The following SYNE2 variants were observed in gnomAD, a reference collection of about 807,000 sequenced individuals.
SYNE2 encodes the protein nesprin-2.
In SYNE2, 431 loss-of-function variants were observed where a neutral mutation model predicts 856.3. The ratio of observed to expected loss-of-function variants is 0.50; its 90% CI spans 0.47 to 0.55. The LOEUF is 0.55. Ranked by LOEUF, SYNE2 falls within the 20% of genes least tolerant of loss-of-function variation. The pLI is 0.00. For synonymous variants in SYNE2, 2,923 were observed against 2,872.3 expected (o/e 1.02, Z -0.56); for missense variants, 8,129 against 8,023.2 (o/e 1.01, Z -0.50).
intron 85 of SYNE2, among the ~76,000 whole-genome samples, chr14:64,155,756 A>G (rs1324781443): frequency 6.6e-6 from 1 of 152,128 alleles, no homozygotes; most frequent in African/African-American, 2.4e-5. Flanking sequence ...GTGAGATCCC[A>G]TCTCCACAAA....
chr14:63,819,220 C>CTTTCT (rs1224636827), intron 1 of SYNE2, among the ~76,000 whole-genome samples: 19 of 151,752 alleles, frequency 1.3e-4, no homozygotes, highest in African/African-American at 2.7e-4. Flanking sequence ...AAATCAATTT[C>CTTTCT]TTTCTTTTCT....
chr14:63,903,945 G>T (rs1009886475), intron 1 of SYNE2, among the ~76,000 whole-genome samples: 2 of 151,928 alleles, frequency 1.3e-5, no homozygotes, highest in Non-Finnish European at 2.9e-5. Context: ...GTACCCAATA[G>T]GTTGTTTTTC....
chr14:63,840,399 TTTCC>T (rs747899857), intron 1 of SYNE2, among the ~76,000 whole-genome samples: 4,670 of 115,346 alleles, frequency 0.04, 181 homozygotes, highest in Middle Eastern at 0.086. Context: ...CTTTCTTTCC[TTTCC>T]TTCCTTCCTT....
chr14:63,862,721 A>T (rs933978063), intron 1 of SYNE2, among the ~76,000 whole-genome samples: 1 of 152,242 alleles, frequency 6.6e-6, no homozygotes, highest in South Asian at 2.1e-4. Context: ...TTTGAAAGGC[A>T]GGTTTTTAGG....
chr14:64,166,993 C>T, intron 90 of SYNE2: 1 of 557,894 alleles, frequency 1.8e-6, no homozygotes, highest in South Asian at 2.1e-5. Context: ...TCTGAGATAA[C>T]TTTCTATTTC....
intron 1 of SYNE2, among the ~76,000 whole-genome samples, chr14:63,875,839 G>A (rs564029853): frequency 6.6e-6 from 1 of 152,300 alleles, no homozygotes; most frequent in Non-Finnish European, 1.5e-5. Flanking sequence ...GAAGGGAGGC[G>A]TCACTGCCCA....
chr14:63,911,947 A>G (rs1406697364), intron 2 of SYNE2, among the ~76,000 whole-genome samples: 3 of 152,214 alleles, frequency 2.0e-5, no homozygotes, highest in Non-Finnish European at 4.4e-5. Flanking sequence ...TTTGCAATGT[A>G]AATGTGATAT....
chr14:63,880,775 C>T (rs2140621655), intron 1 of SYNE2, among the ~76,000 whole-genome samples: 1 of 150,692 alleles, frequency 6.6e-6, no homozygotes, highest in South Asian at 2.1e-4. Flanking sequence ...TGGTCTTAAG[C>T]AGTCCTCTAG....
chr14:63,827,625 C>CAAAAAAAAAAAATAAAAAAAAAAAAAAAA (rs1889486629), intron 1 of SYNE2, among the ~76,000 whole-genome samples: 1 of 28,400 alleles, frequency 3.5e-5, no homozygotes, highest in Non-Finnish European at 6.3e-5. Flanking sequence ...AACTCTGTCT[C>CAAAAAAAAAAAATAAAAAAAAAAAAAAAA]AAAAAAAAAA....
intron 59 of SYNE2, among the ~76,000 whole-genome samples, chr14:64,090,124 A>G (rs2097597094): frequency 6.6e-6 from 1 of 152,180 alleles, no homozygotes; most frequent in African/African-American, 2.4e-5. Flanking sequence ...CAGCAGGCAA[A>G]TGTTGATCCC....
chr14:64,223,323 A>T lies in SYNE2; in HGVS notation c.20325A>T (p.Lys6775Asn). ...AEEKVHVIEK[K>N]LKQLREQVSQ... ...AAAAGGTGCATGTTATTGAGAAGAA[A>T]CTCAAACAGTTACGGGAGCAAGTGT... The change falls in exon 113 of 116, where the codon AAA becomes AAT. Residue 6775 changes from lysine (K) to asparagine (N), a missense_variant. By Grantham distance (94) the Lys-to-Asn change is moderately conservative. Around this residue, in one of 3 missense-constraint regions of SYNE2, gnomAD observed 5,410 missense variants for 5,284.8 expected, o/e 1.02. Transcript: ENST00000555002. The T allele has an allele frequency of 6.2e-7, 1 of 1,614,110 alleles. No individual in the cohort carries two copies. The highest frequency in any genetic ancestry group is 8.5e-7 in the Non-Finnish European group (1 of 1,179,996).
At chr14:64,010,631 G>T (rs1212672976) in intron 32 of SYNE2, among the ~76,000 whole-genome samples, 1 of 152,082 alleles carries the variant, frequency 6.6e-6, no homozygotes, top group Non-Finnish European at 1.5e-5. Flanking sequence ...GTTTTATGTG[G>T]TTATCAACCA....
chr14:64,129,815 G>A lies in SYNE2; in HGVS notation c.14053G>A (p.Ala4685Thr), dbSNP rs779457100. ...ADAYTVELEN[A>T]ESRVAKLRDE... ...TGCATATACAGTGGAGCTGGAGAAC[G>A]CCGAGAGCCGAGTGGCCAAACTAAG... Residue 4685 changes from alanine to threonine, a missense_variant, in exon 75 of 116, where the codon GCC (alanine) becomes ACC (threonine). Physicochemically the swap from Ala to Thr is moderately conservative, Grantham distance 58. This residue lies in a region of SYNE2 where 5,410 missense variants were observed against 5,284.8 expected (regional missense o/e 1.02). Coordinates refer to ENST00000555002, the MANE Select transcript of SYNE2 (RefSeq NM_182914.3). 8.1e-6 allele frequency: 13 copies of A among 1,614,020 alleles called. No homozygotes were observed. The highest frequency in any genetic ancestry group is 1.1e-5 in the South Asian group (1 of 91,088).
chr14:64,003,761 C>T (rs2096773303), intron 30 of SYNE2, among the ~76,000 whole-genome samples: 1 of 126,574 alleles, frequency 7.9e-6, no homozygotes, highest in African/African-American at 3.1e-5. Flanking sequence ...TATTTGGTCC[C>T]CTCCTCCTCC....
intron 96 of SYNE2, among the ~76,000 whole-genome samples, chr14:64,182,871 T>C (rs1158612594): frequency 6.6e-6 from 1 of 152,262 alleles, no homozygotes; most frequent in African/African-American, 2.4e-5. Context: ...GCCATAGTCA[T>C]CATGGCCCGT....
chr14:63,888,266 A>G (rs909236989), intron 1 of SYNE2, among the ~76,000 whole-genome samples: 14 of 152,262 alleles, frequency 9.2e-5, no homozygotes, highest in Admixed American at 9.2e-4. Context: ...GCCCCCTCAT[A>G]AGACTGTTCA....
chr14:64,224,671 C>A, intron 114 of SYNE2, 124 bp downstream of exon 114: 1 of 1,057,890 alleles, frequency 9.5e-7, no homozygotes, highest in Non-Finnish European at 1.4e-6. Flanking sequence ...TCTGCTGACC[C>A]ATAGAGAGGC....
chr14:64,195,212 C>T (rs1259759660), intron 99 of SYNE2, among the ~76,000 whole-genome samples: 3 of 152,066 alleles, frequency 2.0e-5, no homozygotes, highest in Admixed American at 6.5e-5. Context: ...AAAAGCATAC[C>T]CTCCCAGAAA....
At chr14:63,820,535 T>C (rs1295945234) in intron 1 of SYNE2, among the ~76,000 whole-genome samples, 3 of 152,176 alleles carry the variant, frequency 2.0e-5, no homozygotes, top group Admixed American at 2.0e-4. Context: ...AAGAAAATTT[T>C]AAAAATTTGA....
Sources: gnomAD v4.1 joint callset for allele counts (sites outside exome capture counted in the v4.1 genomes callset) on GRCh38, gnomAD v4.1.1 for gene constraint, gnomAD v4.1.1 regional missense constraint, MANE v1.5 for transcripts, NCBI Gene and HGNC (gene_info 2026-07-23, HGNC 2026-07-21) for gene names.